The following PIBF1 variants were observed in gnomAD, a reference collection of about 807,000 sequenced individuals.
PIBF1 encodes progesterone-induced-blocking factor 1.
A neutral mutation model predicts 112.5 loss-of-function variants in PIBF1; 90 were observed. The observed-to-expected ratio is 0.80, with a 90% CI of 0.67 to 0.95. PIBF1 has a LOEUF of 0.95. PIBF1 is among the 40% of genes least tolerant of loss of function. The pLI is 0.00. For synonymous variants in PIBF1, 301 were observed against 288.6 expected (o/e 1.04, Z -0.44); for missense variants, 915 against 852.3 (o/e 1.07, Z -0.92).
intron 5 of PIBF1, among the ~76,000 whole-genome samples, chr13:72,800,074 C>T (rs1003020481): frequency 1.3e-5 from 2 of 152,214 alleles, no homozygotes; most frequent in Admixed American, 1.3e-4. Context: ...CTTGCTCAGT[C>T]GCCCCAGCTG....
intron 13 of PIBF1, among the ~76,000 whole-genome samples, chr13:72,927,520 TA>T (rs893259304): frequency 1.3e-5 from 2 of 151,056 alleles, no homozygotes; most frequent in Non-Finnish European, 1.5e-5. Context: ...AAAATTAAAA[TA>T]AAAAAAAGAT....
At position 72,796,321 on chromosome 13, in the gene PIBF1, C is replaced by T. The variant is rs147748735; in HGVS notation, c.552+764C>T. Among the ~76,000 whole-genome samples the T allele has an allele frequency of 7.6e-3, 1,159 of 152,094 alleles. 14 individuals are homozygous for T. The highest frequency in any genetic ancestry group is 0.014 in the Middle Eastern group (4 of 294). ...ATTCCCTGAAAGGATCTCAGAGTGG[C>T]GAGTGGGGCAGAGTCCAGGAGTCCC... On this transcript the variant is annotated intron_variant, in intron 4 of 17. Coordinates refer to ENST00000326291, the MANE Select transcript of PIBF1 (RefSeq NM_006346.4).
In PIBF1 at chr13:72,832,071, C is replaced by CTTTTTTTTTTTTTTTTTTT. The variant is rs1491281184; in HGVS notation, c.1098-3172_1098-3171insTTTTTTTTTTTTTTTTTTT. Among the ~76,000 whole-genome samples, 12 of 59,492 alleles carry CTTTTTTTTTTTTTTTTTTT rather than the reference C, an allele frequency of 2.0e-4. 3 individuals are homozygous for CTTTTTTTTTTTTTTTTTTT. Among genetic ancestry groups the CTTTTTTTTTTTTTTTTTTT allele is most frequent in the African/African-American group, 6.2e-4 (11 of 17,818 alleles). The allele number at this position is 59,492 out of a possible 152,430, so 39.0% of individuals were successfully genotyped here. ...TCAGAGATTAGAATTGCAATTCCGG[C>CTTTTTTTTTTTTTTTTTTT]CTTTTTTTTTTTTTTTTTTTTTTTT... On this transcript the variant is annotated intron_variant, in intron 8 of 17. Transcript: ENST00000326291.
chr13:73,008,924 G>T (rs1459593308), intron 17 of PIBF1, among the ~76,000 whole-genome samples: 1 of 152,198 alleles, frequency 6.6e-6, no homozygotes, highest in Non-Finnish European at 1.5e-5. Flanking sequence ...TTTAGGAATT[G>T]TGTCCCACTG....
At chr13:72,907,328 TATAATC>T (rs774060371) in intron 11 of PIBF1, among the ~76,000 whole-genome samples, 3 of 151,998 alleles carry the variant, frequency 2.0e-5, no homozygotes, top group South Asian at 2.1e-4. Context: ...ACAGAAAACA[TATAATC>T]ATACACATTT....
intron 9 of PIBF1, among the ~76,000 whole-genome samples, chr13:72,848,789 G>T (rs953276960): frequency 6.7e-6 from 1 of 149,906 alleles, no homozygotes; most frequent in Non-Finnish European, 1.5e-5. Flanking sequence ...CTGAGATCGC[G>T]CCACTGCACT....
intron 4 of PIBF1, among the ~76,000 whole-genome samples, chr13:72,796,392 T>G (rs959782980): frequency 6.6e-6 from 1 of 152,138 alleles, no homozygotes; most frequent in Admixed American, 6.6e-5. Flanking sequence ...GTAGATGTCA[T>G]TTTACCCTGA....
rs529040598 is a variant in PIBF1 at position 72,811,229 on chromosome 13, AT to A, written c.673-10614del. ...GGTTCATGGACACTGACCACAAATC[AT>A]TTTTTAAGCTATTTTTGTTAACTTA... On this transcript the variant is annotated intron_variant, in intron 5 of 17. Transcript: ENST00000326291. Among the ~76,000 whole-genome samples the A allele has an allele frequency of 1.0e-3, 155 of 152,292 alleles. No homozygotes were observed. In the Middle Eastern group the frequency reaches 0.024, roughly 23 times the overall value.
At chr13:72,871,227 G>A (rs2039150251) in intron 10 of PIBF1, among the ~76,000 whole-genome samples, 1 of 152,066 alleles carries the variant, frequency 6.6e-6, no homozygotes, top group Admixed American at 6.6e-5. Flanking sequence ...AATTTTTAAT[G>A]CATTTAGATC....
At chr13:72,839,045 T>C (rs1367510210) in intron 9 of PIBF1, among the ~76,000 whole-genome samples, 3 of 152,018 alleles carry the variant, frequency 2.0e-5, no homozygotes, top group Admixed American at 6.6e-5. Flanking sequence ...TGGGGAACAA[T>C]TGAAAGATTT....
intron 14 of PIBF1, among the ~76,000 whole-genome samples, chr13:72,932,903 G>A (rs994939969): frequency 2.0e-5 from 3 of 152,142 alleles, no homozygotes; most frequent in Non-Finnish European, 2.9e-5. Flanking sequence ...TCATTGCTGA[G>A]TAATTTCTTT....
At chr13:72,870,840 A>C (rs1291647323) in intron 10 of PIBF1, among the ~76,000 whole-genome samples, 2 of 152,092 alleles carry the variant, frequency 1.3e-5, no homozygotes, top group Non-Finnish European at 2.9e-5. Context: ...AAAAAAAAAA[A>C]AACAGATAAT....
intron 11 of PIBF1, among the ~76,000 whole-genome samples, chr13:72,899,479 A>G (rs974915169): frequency 4.6e-5 from 7 of 152,242 alleles, no homozygotes; most frequent in Admixed American, 2.0e-4. Context: ...TATGCAAGTC[A>G]ATAAATGTGA....
At chr13:72,952,039 T>C (rs1295274388) in intron 14 of PIBF1, among the ~76,000 whole-genome samples, 3 of 145,758 alleles carry the variant, frequency 2.1e-5, no homozygotes, top group South Asian at 2.2e-4. Context: ...TTTTCTCTTT[T>C]TTTTTTTTTT....
chr13:72,928,026 CATATATATATATATATAT>C (rs67144729), intron 13 of PIBF1, among the ~76,000 whole-genome samples: 92 of 118,532 alleles, frequency 7.8e-4, no homozygotes, highest in African/African-American at 3.0e-3. Flanking sequence ...CATATATATA[CATATATATATATATATAT>C]ACATATATAT....
intron 9 of PIBF1, among the ~76,000 whole-genome samples, chr13:72,844,771 A>AGT (rs1184127633): frequency 5.3e-5 from 7 of 132,692 alleles, no homozygotes; most frequent in Admixed American, 1.5e-4. Context: ...ACACACACAC[A>AGT]CACACACACA....
At chr13:72,813,283 G>A (rs996968510) in intron 5 of PIBF1, among the ~76,000 whole-genome samples, 5 of 152,220 alleles carry the variant, frequency 3.3e-5, no homozygotes, top group African/African-American at 1.2e-4. Context: ...AAATGTGAAT[G>A]CATGTCATTT....
chr13:72,949,039 A>G (rs1333127780), intron 14 of PIBF1, among the ~76,000 whole-genome samples: 1 of 152,212 alleles, frequency 6.6e-6, no homozygotes, highest in Non-Finnish European at 1.5e-5. Flanking sequence ...TGATTCAAAT[A>G]CAATCAGTCT....
chr13:72,825,792 A>T (rs1299197453), intron 6 of PIBF1, among the ~76,000 whole-genome samples: 1 of 152,188 alleles, frequency 6.6e-6, no homozygotes, highest in African/African-American at 2.4e-5. Context: ...CAAGCTGGTT[A>T]CAGCGTGTCA....
Sources: allele counts gnomAD v4.1 joint callset (sites outside exome capture counted in the v4.1 genomes callset), GRCh38; gene constraint gnomAD v4.1.1; transcripts MANE v1.5; gene names NCBI Gene and HGNC (gene_info 2026-07-23, HGNC 2026-07-21).